MYCBP2: variants seen among roughly 807,000 people sequenced by gnomAD.
MYCBP2 encodes the protein MYC binding protein 2.
A neutral mutation model predicts 525.3 loss-of-function variants in MYCBP2; 120 were observed. The ratio of observed to expected loss-of-function variants is 0.23; its 90% CI spans 0.20 to 0.27. MYCBP2 has a LOEUF of 0.27. Ranked by LOEUF, MYCBP2 falls within the 10% of genes least tolerant of loss-of-function variation. The probability of loss-of-function intolerance (pLI) is 1.00; values close to 1 mark genes in which losing one functional copy is unlikely to be tolerated. For missense variants in MYCBP2, 4,149 were observed against 5,657.1 expected (o/e 0.73, Z 8.55); for synonymous variants, 1,894 against 1,955.8 (o/e 0.97, Z 0.83).
chr13:77,190,185 G>T, intron 29 of MYCBP2, 67 bp downstream of exon 29: 1 of 999,504 alleles, frequency 1.0e-6, no homozygotes, highest in Non-Finnish European at 1.5e-6. Flanking sequence ...GCCACGTTTT[G>T]TAATGATTCT....
chr13:77,123,131 A>C (rs1438131245), intron 54 of MYCBP2, among the ~76,000 whole-genome samples: 1 of 152,228 alleles, frequency 6.6e-6, no homozygotes, highest in African/African-American at 2.4e-5. Flanking sequence ...CCATAGTGCC[A>C]AATCTTTGTA....
chr13:77,140,187 T>C (rs755644300), intron 50 of MYCBP2, 24 bp from the exon 51 acceptor site: 15 of 1,459,948 alleles, frequency 1.0e-5, no homozygotes, highest in Non-Finnish European at 1.2e-5. Context: ...AGATAAACAG[T>C]GAGGTAGGAA....
At chr13:77,056,190 A>T (rs1317345699) in intron 79 of MYCBP2, among the ~76,000 whole-genome samples, 13 of 148,350 alleles carry the variant, frequency 8.8e-5, no homozygotes, top group African/African-American at 3.2e-4. Flanking sequence ...GCAGAACGCC[A>T]GGTGACAGAA....
intron 56 of MYCBP2, among the ~76,000 whole-genome samples, chr13:77,097,096 C>G (rs2046375975): frequency 6.6e-6 from 1 of 152,148 alleles, no homozygotes; most frequent in Non-Finnish European, 1.5e-5. Flanking sequence ...CTGTGTGAGA[C>G]AGACACATTA....
intron 49 of MYCBP2, among the ~76,000 whole-genome samples, chr13:77,141,484 C>T (rs1208372597): frequency 1.3e-5 from 2 of 151,932 alleles, no homozygotes; most frequent in African/African-American, 4.8e-5. Flanking sequence ...GTAAAATGTA[C>T]AAGGGGCCAG....
intron 5 of MYCBP2, chr13:77,272,180 T>C (rs1190075276): frequency 1.3e-5 from 2 of 152,242 alleles, no homozygotes; most frequent in African/African-American, 4.8e-5. Flanking sequence ...ATAGCTATAC[T>C]AAACTTCTTT....
chr13:77,260,349 AT>A, intron 13 of MYCBP2, 78 bp downstream of exon 13: 2 of 993,744 alleles, frequency 2.0e-6, no homozygotes, highest in Non-Finnish European at 2.8e-6. Flanking sequence ...ACCAACATAA[AT>A]TTTCTAGATA....
rs927953179 is a variant in MYCBP2 at position 77,166,376 on chromosome 13, T to G, written c.6293A>C (p.Lys2098Thr). The change falls in exon 41 of 83, where the codon AAA becomes ACA. Residue 2098 changes from lysine (K) to threonine (T), a missense_variant. By Grantham distance (78) the Lys-to-Thr change is moderately conservative (BLOSUM62 -1). This residue lies in a region of MYCBP2 where 692 missense variants were observed against 852.7 expected (regional missense o/e 0.81). Coordinates refer to ENST00000544440, the MANE Select transcript of MYCBP2 (RefSeq NM_015057.5). Reference sequence around the variant, plus strand: ...AGGCCACCCAGAGGATCCTGAAAATTTCTTTAATTCTATCCATGAATTAAG... The same window carrying G: ...AGGCCACCCAGAGGATCCTGAAAATGTCTTTAATTCTATCCATGAATTAAG... ...ENLNSWIELKKFSGSSGWPTM... is the reference protein window; with the variant it reads ...ENLNSWIELKTFSGSSGWPTM... 1 of 1,613,834 alleles carries G rather than the reference T, an allele frequency of 6.2e-7. No homozygotes were observed. Among genetic ancestry groups the G allele is most frequent in the African/African-American group, 1.3e-5 (1 of 74,908 alleles).
intron 7 of MYCBP2, among the ~76,000 whole-genome samples, chr13:77,268,735 C>G (rs961657250): frequency 6.6e-6 from 1 of 151,468 alleles, no homozygotes; most frequent in Admixed American, 6.6e-5. Context: ...GCTGAGATCA[C>G]GCCACTGCAT....
At chr13:77,282,750 G>A (rs1017421153) in intron 3 of MYCBP2, among the ~76,000 whole-genome samples, 1 of 152,108 alleles carries the variant, frequency 6.6e-6, no homozygotes, top group Admixed American at 6.6e-5. Flanking sequence ...AACTAAACTT[G>A]ATCATCATTT....
At position 77,199,937 on chromosome 13, in the gene MYCBP2, G is replaced by A. The variant is rs572776285; in HGVS notation, c.3843+5319C>T. On this transcript the variant is annotated intron_variant, in intron 26 of 82. Transcript: ENST00000544440. ...CAAAAGTCGATAAAACCACAAAGAT[G>A]GGGAAAAAACAGAGCAGAAAAACTG... Among the ~76,000 whole-genome samples, 42 of 152,270 alleles carry A rather than the reference G, an allele frequency of 2.8e-4. No individual in the cohort carries two copies. The South Asian group carries it at 7.7e-3, about 28-fold the overall frequency.
intron 10 of MYCBP2, among the ~76,000 whole-genome samples, chr13:77,263,195 T>G (rs1410367732): frequency 6.6e-6 from 1 of 152,036 alleles, no homozygotes; most frequent in African/African-American, 2.4e-5. Flanking sequence ...TGACAATCTA[T>G]GAGATCATTC....
In MYCBP2 at chr13:77,118,320, G is replaced by T. The variant is rs191164132; in HGVS notation, c.8140+3053C>A. ...AGCTTCAGAAATGCTTGATGAGGCA[G>T]GTAAGGCTGACAGACTTACTCTGAA... is the stretch of plus-strand genomic sequence containing the variant. On this transcript the variant is annotated intron_variant, in intron 55 of 82. Transcript: ENST00000544440. 5.4e-6 allele frequency: 4 copies of T among 746,548 alleles called. No individual in the cohort carries two copies. In the African/African-American group the frequency reaches 6.8e-5, roughly 13 times the overall value. 46.2% of individuals were successfully genotyped at this position (746,548 alleles called of 1,614,324 possible). A position where few individuals can be genotyped will look rare whatever the true frequency, so the allele number is the denominator to read the frequency against.
intron 17 of MYCBP2, among the ~76,000 whole-genome samples, chr13:77,238,966 C>T (rs2068397596): frequency 6.6e-6 from 1 of 152,050 alleles, no homozygotes; most frequent in African/African-American, 2.4e-5. Context: ...AACAAAAATG[C>T]AAAATTAGCC....
chr13:77,209,713 GATT>G lies in MYCBP2; in HGVS notation c.3416+1451_3416+1453del, dbSNP rs893783012. On this transcript the variant is annotated intron_variant, in intron 23 of 82. Coordinates refer to ENST00000544440, the MANE Select transcript of MYCBP2 (RefSeq NM_015057.5). ...ACAATGCTGCCAGGGAGATGTAATT[GATT>G]TGAGATGTACTCAACTCAATACTGG... 3.2e-4 allele frequency among the ~76,000 whole-genome samples: 48 copies of G among 152,298 alleles called. 1 individual carries two copies. Among genetic ancestry groups the G allele is most frequent in the African/African-American group, 1.0e-3 (43 of 41,562 alleles).
chr13:77,191,579 C>T, intron 28 of MYCBP2, 100 bp downstream of exon 28: 1 of 1,392,424 alleles, frequency 7.2e-7, no homozygotes. Flanking sequence ...TCTAGTCTTC[C>T]TAAGCTTTTG....
intron 1 of MYCBP2, among the ~76,000 whole-genome samples, chr13:77,313,116 C>T (rs2080476189): frequency 1.3e-5 from 2 of 151,848 alleles, no homozygotes. Context: ...AACACCATAT[C>T]TGAAAGTTGT....
intron 40 of MYCBP2, among the ~76,000 whole-genome samples, chr13:77,167,729 A>G (rs908398374): frequency 2.0e-5 from 3 of 152,232 alleles, no homozygotes; most frequent in African/African-American, 7.2e-5. Flanking sequence ...CTTTAAAACA[A>G]TATAGGAGGT....
At chr13:77,106,240 G>T (rs994021019) in intron 55 of MYCBP2, among the ~76,000 whole-genome samples, 1 of 152,080 alleles carries the variant, frequency 6.6e-6, no homozygotes, top group African/African-American at 2.4e-5. Context: ...GCAATGATTG[G>T]AAATGTTAAA....
Sources: allele counts gnomAD v4.1 joint callset (sites outside exome capture counted in the v4.1 genomes callset), GRCh38; gene constraint gnomAD v4.1.1; regional missense constraint gnomAD v4.1.1; transcripts MANE v1.5; gene names NCBI Gene and HGNC (gene_info 2026-07-23, HGNC 2026-07-21).